EFCAB8: variants seen among roughly 807,000 people sequenced by gnomAD.
EFCAB8 encodes EF-hand calcium binding domain 8.
A neutral mutation model predicts 116.3 loss-of-function variants in EFCAB8; 100 were observed. The observed-to-expected ratio is 0.86, with a 90% CI of 0.73 to 1.02. The LOEUF (loss-of-function observed/expected upper bound fraction) is 1.02, where lower values mean the gene tolerates loss of function less well. EFCAB8 is among the 50% of genes least tolerant of loss of function. The pLI is 0.00. For synonymous variants in EFCAB8, 558 were observed against 567.9 expected (o/e 0.98, Z 0.25); for missense variants, 1,320 against 1,416.9 (o/e 0.93, Z 1.10).
At chr20:32,883,604 A>AC (rs761427333) in intron 5 of EFCAB8, among the ~76,000 whole-genome samples, 5 of 152,328 alleles carry the variant, frequency 3.3e-5, no homozygotes, top group Admixed American at 2.0e-4. Context: ...GATAAAAGCA[A>AC]CCATTTGAAC....
Position 32,930,379 on chromosome 20 carries a change from G to A in EFCAB8, c.2413-19G>A. ...GTGGCTCACAGCCCTGCTGAGCCGG[G>A]CCCTCCTCTCTTCCTCAGATAATCT... is the stretch of plus-strand genomic sequence containing the variant. On this transcript the variant is annotated intron_variant, in intron 20 of 26. Transcript: ENST00000400522. 6.5e-7 allele frequency: 1 copy of A among 1,545,528 alleles called. No homozygotes were observed. Among genetic ancestry groups the A allele is most frequent in the Non-Finnish European group, 8.7e-7 (1 of 1,145,516 alleles).
At chr20:32,880,618 A>G (rs1985280480) in intron 5 of EFCAB8, among the ~76,000 whole-genome samples, 1 of 152,254 alleles carries the variant, frequency 6.6e-6, no homozygotes, top group African/African-American at 2.4e-5. Context: ...GAAATAACCA[A>G]TAAATATGAA....
intron 10 of EFCAB8, 92 bp from the exon 11 acceptor site, chr20:32,898,401 C>T: frequency 1.5e-6 from 1 of 659,592 alleles, no homozygotes; most frequent in Non-Finnish European, 2.9e-6. Context: ...TCTCTGGGCA[C>T]CTCCAGTCCC....
rs372277609 is a variant in EFCAB8 at position 32,918,535 on chromosome 20, C to G, written c.2235C>G (p.Cys745Trp). The change falls in exon 19 of 27, where the codon TGC becomes TGG. Residue 745 changes from cysteine to tryptophan, a missense_variant. Physicochemically the swap from Cys to Trp is radical, Grantham distance 215. Coordinates refer to ENST00000400522, the MANE Select transcript of EFCAB8 (RefSeq NM_001143967.2). ...SLVSAPPVMR[C>W]PRDKEPDRPV... ...TGTCGGCTCCCCCAGTGATGCGGTG[C>G]CCGAGAGACAAGGAGCCAGACAGGC... 44 of 1,551,668 alleles carry G rather than the reference C, an allele frequency of 2.8e-5. No individual in the cohort carries two copies. The African/African-American group carries it at 5.1e-4, about 18-fold the overall frequency.
At chr20:32,898,008 G>A (rs1012605571) in intron 10 of EFCAB8, among the ~76,000 whole-genome samples, 3 of 152,208 alleles carry the variant, frequency 2.0e-5, no homozygotes, top group Admixed American at 2.0e-4. Flanking sequence ...CTTCGACTGC[G>A]CGTCATCTTT....
chr20:32,929,577 A>G (rs1277711257), intron 20 of EFCAB8, among the ~76,000 whole-genome samples: 1 of 148,584 alleles, frequency 6.7e-6, no homozygotes, highest in Non-Finnish European at 1.5e-5. Context: ...CCTGGGCTCA[A>G]GTGATTCACC....
chr20:32,920,298 C>A, intron 20 of EFCAB8, 83 bp downstream of exon 20: 1 of 1,500,074 alleles, frequency 6.7e-7, no homozygotes. Context: ...GGCTCGGGGG[C>A]CTGGGCTCGG....
At chr20:32,869,156 G>A (rs966437929) in intron 3 of EFCAB8, among the ~76,000 whole-genome samples, 8 of 152,116 alleles carry the variant, frequency 5.3e-5, no homozygotes, top group African/African-American at 1.7e-4. Context: ...ACAGTTCCTG[G>A]CCACGCAGGA....
chr20:32,876,721 C>T (rs1984995445), intron 4 of EFCAB8, among the ~76,000 whole-genome samples: 1 of 152,160 alleles, frequency 6.6e-6, no homozygotes, highest in Non-Finnish European at 1.5e-5. Flanking sequence ...AATCCTAGCA[C>T]TTTGGGAGGC....
intron 22 of EFCAB8, among the ~76,000 whole-genome samples, chr20:32,933,608 C>T (rs578242961): frequency 2.6e-5 from 4 of 152,304 alleles, no homozygotes; most frequent in Admixed American, 2.6e-4. Flanking sequence ...CAATAACTTC[C>T]CATTCTCTCT....
intron 11 of EFCAB8, among the ~76,000 whole-genome samples, chr20:32,899,719 C>A (rs998981247): frequency 9.2e-5 from 14 of 152,064 alleles, no homozygotes; most frequent in African/African-American, 3.4e-4. Flanking sequence ...GGATTACAGG[C>A]ACGCACCACC....
Position 32,910,071 on chromosome 20 carries a change from G to A in EFCAB8, c.1557+140G>A, listed in dbSNP as rs73904078. 562 of 415,000 alleles carry A rather than the reference G, an allele frequency of 1.4e-3. 3 individuals carry two copies. Among genetic ancestry groups the A allele is most frequent in the African/African-American group, 0.011 (528 of 48,936 alleles). 25.7% of individuals were successfully genotyped at this position (415,000 alleles called of 1,614,324 possible). A position where few individuals can be genotyped will look rare whatever the true frequency, so the allele number is the denominator to read the frequency against. On this transcript the variant is annotated intron_variant, in intron 15 of 26. Transcript: ENST00000400522. ...CTCTTACAGCCTTGATGGTGGTGCT[G>A]GGGCAGCGGGATAGACACAGAAAGC...
At chr20:32,912,720 T>C (rs920469760) in intron 16 of EFCAB8, 74 bp from the exon 17 acceptor site, 1 of 711,904 alleles carries the variant, frequency 1.4e-6, no homozygotes, top group African/African-American at 1.8e-5. Context: ...TTGGCACCTT[T>C]AGGAAGACAT....
intron 20 of EFCAB8, among the ~76,000 whole-genome samples, chr20:32,929,621 T>C (rs113259902): frequency 1.4e-4 from 21 of 151,656 alleles, no homozygotes; most frequent in Middle Eastern, 3.4e-3. Flanking sequence ...GGATTACAGG[T>C]ATGAGCCACC....
chr20:32,896,930 A>G (rs1050067372), intron 10 of EFCAB8, among the ~76,000 whole-genome samples: 8 of 152,098 alleles, frequency 5.3e-5, no homozygotes, highest in Admixed American at 2.0e-4. Flanking sequence ...AGTCCTTACC[A>G]TGGCCGTCAG....
chr20:32,930,682 T>C, intron 21 of EFCAB8, 66 bp downstream of exon 21: 3 of 1,447,060 alleles, frequency 2.1e-6, no homozygotes, highest in Non-Finnish European at 2.8e-6. Flanking sequence ...ATCTCTTTGC[T>C]CACATGGCCC....
intron 22 of EFCAB8, among the ~76,000 whole-genome samples, chr20:32,934,763 A>G (rs1250625652): frequency 6.6e-6 from 1 of 152,142 alleles, no homozygotes; most frequent in Non-Finnish European, 1.5e-5. Flanking sequence ...GCCTGCTCCC[A>G]TGTAAGACGT....
Position 32,878,784 on chromosome 20 carries a change from C to G in EFCAB8, c.408C>G (p.Tyr136Ter). ...AGAGCCAGTACCGCCTGCACTTCTA[C>G]CTTCCCATGACGGTCGTCCCCCTGT... ...MRKSQYRLHFYLPMTVVPLNH... is the reference protein window; with the variant it reads ...MRKSQYRLHF Residue 136 changes from tyrosine (Y) to a stop codon, truncating the protein, a stop_gained, in exon 5 of 27, where the codon TAC becomes TAG. Transcript: ENST00000400522. LOFTEE classifies it high-confidence loss of function. The G allele has an allele frequency of 6.4e-7, 1 of 1,552,116 alleles. No individual in the cohort carries two copies. Among genetic ancestry groups the G allele is most frequent in the Non-Finnish European group, 8.7e-7 (1 of 1,147,022 alleles).
chr20:32,912,021 C>A (rs1421480783), intron 16 of EFCAB8, among the ~76,000 whole-genome samples: 10 of 152,186 alleles, frequency 6.6e-5, no homozygotes, highest in Admixed American at 6.5e-4. Context: ...CACAGCCACC[C>A]ATGGTCACCC....
Sources: allele counts gnomAD v4.1 joint callset (sites outside exome capture counted in the v4.1 genomes callset), GRCh38; gene constraint gnomAD v4.1.1; transcripts MANE v1.5; gene names NCBI Gene and HGNC (gene_info 2026-07-23, HGNC 2026-07-21).